The following MICAL3 variants were observed in gnomAD, a reference collection of about 807,000 sequenced individuals.
The protein encoded by MICAL3 is microtubule associated monooxygenase, calponin and LIM domain containing 3.
Under a neutral mutation model 207.4 loss-of-function variants are expected in MICAL3, and 62 were observed. The ratio of observed to expected loss-of-function variants is 0.30; its 90% confidence interval spans 0.24 to 0.37. MICAL3 has a LOEUF of 0.37. Ranked by LOEUF, MICAL3 falls within the 10% of genes least tolerant of loss-of-function variation. MICAL3 has a pLI of 1.00. For synonymous variants in MICAL3, 1,077 were observed against 1,069.3 expected (o/e 1.01, Z -0.14); for missense variants, 2,368 against 2,635.6 (o/e 0.90, Z 2.22).
At position 17,787,750 on chromosome 22, in the gene MICAL3, C is replaced by T. The variant is rs2061799330; in HGVS notation, c.*2982G>A. The T allele has an allele frequency of 6.6e-6, 1 of 152,214 alleles. No individual in the cohort carries two copies. Among genetic ancestry groups the T allele is most frequent in the African/African-American group, 2.4e-5 (1 of 41,450 alleles). 9.4% of individuals were successfully genotyped at this position (152,214 alleles called of 1,614,324 possible). On this transcript the variant is annotated 3_prime_UTR_variant, in exon 32 of 32. Transcript: ENST00000441493. Reference sequence around the variant, plus strand: ...ATGTTTTTTAACTCTCCTTTCTGTCCCACTGAAAAATTTATTTTGAAAGGG... The same window carrying T: ...ATGTTTTTTAACTCTCCTTTCTGTCTCACTGAAAAATTTATTTTGAAAGGG...
rs916406332 is a variant in MICAL3, at chr22:17,796,595, G to C, written c.5651-5294C>G. The stretch of plus-strand genomic sequence containing the variant: ...CTTTCCCTCTTCAACACAGGCTCCA[G>C]GCAAATGTAACAAATGCTGGCGTCT... On this transcript the variant is annotated intron_variant, in intron 29 of 31. Transcript: ENST00000441493. The surrounding 1 kb of genome is among the most constrained non-coding windows in gnomAD (Gnocchi z 4.4). 6.6e-6 allele frequency among the ~76,000 whole-genome samples: 1 copy of C among 152,222 alleles called. No individual in the cohort carries two copies. Among genetic ancestry groups the C allele is most frequent in the African/African-American group, 2.4e-5 (1 of 41,462 alleles).
In MICAL3 at chr22:17,790,172, T is replaced by C. The variant is rs1361099620; in HGVS notation, c.*560A>G. 1 of 152,740 alleles carries C rather than the reference T, an allele frequency of 6.5e-6. No homozygotes were observed. Among genetic ancestry groups the C allele is most frequent in the East Asian group, 1.9e-4 (1 of 5,186 alleles). 9.5% of individuals were successfully genotyped at this position (152,740 alleles called of 1,614,324 possible). Reference sequence around the variant, plus strand: ...CAGACCCCTCCTGCGTCCTCCTAATTTGCATAATAATTCAGGAGCCTGCCC... The same window carrying C: ...CAGACCCCTCCTGCGTCCTCCTAATCTGCATAATAATTCAGGAGCCTGCCC... On this transcript the variant is annotated 3_prime_UTR_variant, in exon 32 of 32. Transcript: ENST00000441493.
intron 11 of MICAL3, among the ~76,000 whole-genome samples, chr22:17,892,789 C>A (rs985358301): frequency 6.6e-6 from 1 of 152,240 alleles, no homozygotes; most frequent in Non-Finnish European, 1.5e-5. Flanking sequence ...ATCCCAATGG[C>A]ACGTCAAATT....
intron 1 of MICAL3, among the ~76,000 whole-genome samples, chr22:17,950,089 A>T (rs1934258430): frequency 6.6e-6 from 1 of 152,152 alleles, no homozygotes; most frequent in African/African-American, 2.4e-5. Flanking sequence ...GAGAGGAAAC[A>T]GTGTTTCAGA....
intron 1 of MICAL3, among the ~76,000 whole-genome samples, chr22:17,958,697 G>T (rs5747433): frequency 0.42 from 58,686 of 139,400 alleles, 12,512 homozygotes; most frequent in African/African-American, 0.64. Context: ...GAGTTGTTGG[G>T]TTTTTTTATT....
chr22:17,956,085 CAGCTGCAGAAGGG>C (rs1934599786), intron 1 of MICAL3, among the ~76,000 whole-genome samples: 1 of 152,130 alleles, frequency 6.6e-6, no homozygotes, highest in African/African-American at 2.4e-5. Context: ...ATAGGAGAGG[CAGCTGCAGAAGGG>C]AGCTGCAGAG....
intron 1 of MICAL3, among the ~76,000 whole-genome samples, chr22:17,930,898 G>A (rs562070392): frequency 6.6e-6 from 1 of 152,352 alleles, no homozygotes; most frequent in African/African-American, 2.4e-5. Context: ...GGCCCTGCTG[G>A]CCAATCACAG....
chr22:17,873,934 C>G (rs192162767), intron 16 of MICAL3, among the ~76,000 whole-genome samples: 18 of 152,354 alleles, frequency 1.2e-4, no homozygotes, highest in African/African-American at 3.8e-4. Context: ...CCTGGGGGAA[C>G]CTGACCCTAA....
At chr22:17,854,955 C>T (rs149369566) in intron 19 of MICAL3, among the ~76,000 whole-genome samples, 42 of 152,330 alleles carry the variant, frequency 2.8e-4, no homozygotes, top group African/African-American at 1.0e-3. Flanking sequence ...TGGAAAAACA[C>T]ACCTACCTTT....
In MICAL3 at chr22:17,900,831, T is replaced by TCAACAC. The variant is rs762288042; in HGVS notation, c.847+5_847+10dup. On this transcript the variant is annotated intron_variant, in intron 6 of 31. Coordinates refer to ENST00000441493, the MANE Select transcript of MICAL3 (RefSeq NM_015241.3). This position sits in a 1 kb window ranked among gnomAD's most constrained non-coding sequence, Gnocchi z 4.0. Reference sequence around the variant, plus strand: ...TTTCTATCCTAGGGCTCCGGAGACATCAACACCAACCTGTGGCTTCCCTCA... The same window carrying TCAACAC: ...TTTCTATCCTAGGGCTCCGGAGACATCAACACCAACACCAACCTGTGGCTTCCCTCA... 4 of 1,613,794 alleles carry TCAACAC rather than the reference T, an allele frequency of 2.5e-6. No homozygotes were observed. In the East Asian group the frequency reaches 8.9e-5, roughly 36 times the overall value.
At chr22:18,023,623 C>T (rs1049607639) in intron 1 of MICAL3, among the ~76,000 whole-genome samples, 8 of 152,386 alleles carry the variant, frequency 5.2e-5, no homozygotes, top group African/African-American at 1.9e-4. Context: ...TGCGGCCCCG[C>T]CCTCTGCTTC....
intron 17 of MICAL3, 94 bp from the exon 18 acceptor site, chr22:17,866,106 C>T (rs1023558174): frequency 4.2e-6 from 4 of 954,334 alleles, no homozygotes; most frequent in Admixed American, 3.8e-5. Context: ...CCATCTCCTC[C>T]AGCCTCACAA....
At chr22:17,957,265 C>G (rs1157955499) in intron 1 of MICAL3, among the ~76,000 whole-genome samples, 2 of 152,186 alleles carry the variant, frequency 1.3e-5, no homozygotes, top group African/African-American at 4.8e-5. Context: ...AGGAACGAGA[C>G]AAAATCCTGA....
Position 17,817,297 on chromosome 22 carries a change from G to T in MICAL3, c.5350+14C>A. On this transcript the variant is annotated intron_variant, in intron 26 of 31. Coordinates refer to ENST00000441493, the MANE Select transcript of MICAL3 (RefSeq NM_015241.3). Reference sequence around the variant, plus strand: ...TCCCGCTCTGCCTGCACGCGGACCCGGCTGCTGACGCACCTGCCCTTACGA... The same window carrying T: ...TCCCGCTCTGCCTGCACGCGGACCCTGCTGCTGACGCACCTGCCCTTACGA... 1 of 1,573,890 alleles carries T rather than the reference G, an allele frequency of 6.4e-7. No homozygotes were observed. The highest frequency in any genetic ancestry group is 8.6e-7 in the Non-Finnish European group (1 of 1,159,838).
intron 1 of MICAL3, among the ~76,000 whole-genome samples, chr22:17,975,281 C>T (rs764354394): frequency 3.9e-5 from 6 of 152,026 alleles, no homozygotes; most frequent in South Asian, 2.1e-4. Flanking sequence ...AACAGGACCA[C>T]GCTTCAGTTC....
intron 1 of MICAL3, among the ~76,000 whole-genome samples, chr22:18,000,832 G>A (rs1000079811): frequency 7.9e-5 from 12 of 152,310 alleles, no homozygotes; most frequent in East Asian, 1.9e-4. Flanking sequence ...CACGCTTGGC[G>A]CACGCTAGCT....
Position 17,887,216 on chromosome 22 carries a change from T to G in MICAL3, c.2021A>C (p.Asp674Ala). Residue 674 changes from aspartate (D) to alanine (A), a missense_variant, in exon 15 of 32, where the codon GAC (aspartate) becomes GCC (alanine). Physicochemically the swap from Asp to Ala is moderately radical, Grantham distance 126 (BLOSUM62 -2). Transcript: ENST00000441493. ...TCTCCTCTTCCCAGCACCATCCAAG[T>G]CCTTTTCCTTTTTATCCTGTACCAA... ...KRSPKDKKEK[D>A]LDGAGKRRKT... The G allele has an allele frequency of 6.2e-7, 1 of 1,613,632 alleles. No homozygotes were observed. Among genetic ancestry groups the G allele is most frequent in the Non-Finnish European group, 8.5e-7 (1 of 1,179,748 alleles).
At chr22:17,800,909 G>A (rs1051942242) in intron 29 of MICAL3, among the ~76,000 whole-genome samples, 20 of 152,274 alleles carry the variant, frequency 1.3e-4, no homozygotes, top group Non-Finnish European at 2.2e-4. Context: ...CATTGCCGTC[G>A]TCCTCACGGG....
chr22:18,007,969 G>A (rs943317753), intron 1 of MICAL3, among the ~76,000 whole-genome samples: 2 of 146,822 alleles, frequency 1.4e-5, no homozygotes, highest in South Asian at 2.1e-4. Context: ...GGCTGGGTAC[G>A]GTGGTTCCCG....
Sources: gnomAD v4.1 joint callset for allele counts (sites outside exome capture counted in the v4.1 genomes callset) on GRCh38, gnomAD v4.1.1 for gene constraint, Gnocchi (gnomAD v3.1) non-coding constraint, MANE v1.5 for transcripts, NCBI Gene and HGNC (gene_info 2026-07-23, HGNC 2026-07-21) for gene names.